The following ANKRD30BL variants were observed in gnomAD, a reference collection of about 807,000 sequenced individuals.
ANKRD30BL encodes ankyrin repeat domain 30B like, also known as putative ankyrin repeat domain-containing protein 30B-like.
ANKRD30BL carries 20 observed loss-of-function variants against 18.4 expected under a neutral mutation model. That is an observed-to-expected ratio of 1.09 (90% confidence interval 0.77 to 1.58). The LOEUF is 1.58. Among genes scored for constraint, ANKRD30BL ranks in the 40% most tolerant of loss-of-function variants. ANKRD30BL has a pLI of 0.00. For synonymous variants in ANKRD30BL, 72 were observed against 100.9 expected, an observed-to-expected ratio of 0.71 and a Z score of 1.72; for missense variants, 224 against 268.6, an observed-to-expected ratio of 0.83 and a Z score of 1.16.
intron 1 of ANKRD30BL, among the ~76,000 whole-genome samples, chr2:132,237,323 A>G (rs866342313): frequency 1.3e-5 from 2 of 152,162 alleles, no homozygotes; most frequent in South Asian, 4.1e-4. Flanking sequence ...CTACTTTGTG[A>G]TGGGTGTACT....
upstream of ANKRD30BL, among the ~76,000 whole-genome samples, chr2:132,165,510 A>G (rs1398534044): frequency 1.3e-5 from 2 of 151,068 alleles, no homozygotes; most frequent in East Asian, 3.9e-4. Context: ...CCTGGGCCAC[A>G]TGGTAAAATT....
chr2:132,240,432 A>C (rs982405409), intron 1 of ANKRD30BL, among the ~76,000 whole-genome samples: 2 of 151,818 alleles, frequency 1.3e-5, no homozygotes, highest in Non-Finnish European at 2.9e-5. Context: ...CTCTTTTTGT[A>C]GAATCTATAA....
chr2:132,222,506 C>G (rs1269570401), intron 1 of ANKRD30BL, among the ~76,000 whole-genome samples: 1 of 152,096 alleles, frequency 6.6e-6, no homozygotes, highest in East Asian at 1.9e-4. Context: ...AATTCTTCTG[C>G]CTTGGGATCC....
Position 132,202,156 on chromosome 2 carries a change from G to C in ANKRD30BL, n.442-45010C>G, listed in dbSNP as rs190670750. Among the ~76,000 whole-genome samples, 680 of 145,126 alleles carry C rather than the reference G, an allele frequency of 4.7e-3. 1 individual carries two copies. Among genetic ancestry groups the C allele is most frequent in the Non-Finnish European group, 7.3e-3 (497 of 67,940 alleles). On this transcript the variant is annotated intron_variant and non_coding_transcript_variant, in intron 1 of 4. Transcript: ENST00000470729. ...GGGGCCTGTTGTGGGGTGGAGGCAGGGGGGAGGGATAGCATTGGGAGTATA... is the reference window on the plus strand; with the variant it reads ...GGGGCCTGTTGTGGGGTGGAGGCAGCGGGGAGGGATAGCATTGGGAGTATA...
rs1332210787 is a variant in ANKRD30BL at position 132,221,132 on chromosome 2, C to G, written n.441+36397G>C. Among the ~76,000 whole-genome samples, 6 of 147,830 alleles carry G rather than the reference C, an allele frequency of 4.1e-5. No homozygotes were observed. The East Asian group carries it at 1.2e-3, about 29-fold the overall frequency. The stretch of plus-strand genomic sequence containing the variant: ...GAGGAGCCCCTCCGTCCAGCAGCCA[C>G]CCCGTCTGGGAAGTGAGGAGCATCT... On this transcript the variant is annotated intron_variant and non_coding_transcript_variant, in intron 1 of 4. Coordinates refer to the ANKRD30BL transcript ENST00000470729.
chr2:132,231,700 T>A (rs1680020943), intron 1 of ANKRD30BL, among the ~76,000 whole-genome samples: 1 of 150,246 alleles, frequency 6.7e-6, no homozygotes. Flanking sequence ...ACCCACGGAG[T>A]CTCGCTGATT....
intron 1 of ANKRD30BL, among the ~76,000 whole-genome samples, chr2:132,227,608 T>G (rs2104778588): frequency 6.6e-6 from 1 of 152,294 alleles, no homozygotes; most frequent in African/African-American, 2.4e-5. Context: ...TACATTCAAC[T>G]CACAGAGTTA....
intron 1 of ANKRD30BL, among the ~76,000 whole-genome samples, chr2:132,255,871 G>A (rs1045725428): frequency 2.0e-5 from 3 of 152,164 alleles, no homozygotes; most frequent in Non-Finnish European, 4.4e-5. Context: ...GCTGCCACGG[G>A]GGGCGTGCGA....
chr2:132,222,857 A>AG (rs1679731632), intron 1 of ANKRD30BL, among the ~76,000 whole-genome samples: 2 of 144,274 alleles, frequency 1.4e-5, no homozygotes, highest in African/African-American at 5.5e-5. Context: ...AAAAAAAAAA[A>AG]AAAAAAAGAA....
At chr2:132,151,681 TATTA>T (rs1687761916) in intron 4 of ANKRD30BL, among the ~76,000 whole-genome samples, 1 of 152,150 alleles carries the variant, frequency 6.6e-6, no homozygotes, top group Non-Finnish European at 1.5e-5. Context: ...AATTTTCTGT[TATTA>T]ATTCCTACTT....
intron 1 of ANKRD30BL, among the ~76,000 whole-genome samples, chr2:132,175,270 CA>C (rs1406972494): frequency 5.3e-5 from 8 of 151,360 alleles, no homozygotes; most frequent in Admixed American, 1.3e-4. Context: ...AGAAGGTCAG[CA>C]AAAAAACATG....
At chr2:132,201,385 C>G (rs1421219378) in intron 1 of ANKRD30BL, among the ~76,000 whole-genome samples, 1 of 152,018 alleles carries the variant, frequency 6.6e-6, no homozygotes, top group Non-Finnish European at 1.5e-5. Flanking sequence ...AAAATTTTCG[C>G]AACCTACTCA....
intron 1 of ANKRD30BL, among the ~76,000 whole-genome samples, chr2:132,187,221 T>C (rs1258038680): frequency 3.3e-5 from 4 of 122,996 alleles, no homozygotes; most frequent in Non-Finnish European, 4.9e-5. Context: ...AGAGACAGAG[T>C]CTTGTTTTGT....
chr2:132,167,962 A>C (rs1688218220), intron 1 of ANKRD30BL, among the ~76,000 whole-genome samples: 1 of 152,182 alleles, frequency 6.6e-6, no homozygotes, highest in South Asian at 2.1e-4. Context: ...CTTATGGGTC[A>C]ATAAGAATAA....
At chr2:132,212,728 A>T (rs538902566) in intron 1 of ANKRD30BL, among the ~76,000 whole-genome samples, 1 of 151,932 alleles carries the variant, frequency 6.6e-6, no homozygotes, top group Admixed American at 6.6e-5. Context: ...TTCTTTGAGC[A>T]TCTTTGAAAA....
intron 1 of ANKRD30BL, among the ~76,000 whole-genome samples, chr2:132,225,189 C>T (rs997319099): frequency 6.6e-6 from 1 of 151,954 alleles, no homozygotes; most frequent in Non-Finnish European, 1.5e-5. Flanking sequence ...TCCGAAACTT[C>T]TTTGTTCTGT....
At chr2:132,180,004 A>C (rs370742067) in intron 1 of ANKRD30BL, among the ~76,000 whole-genome samples, 1 of 152,214 alleles carries the variant, frequency 6.6e-6, no homozygotes, top group Non-Finnish European at 1.5e-5. Flanking sequence ...TAAATAAAAA[A>C]ATTACAGTAA....
intron 1 of ANKRD30BL, among the ~76,000 whole-genome samples, chr2:132,222,046 G>A (rs895200525): frequency 2.2e-5 from 3 of 134,432 alleles, no homozygotes; most frequent in Non-Finnish European, 4.7e-5. Flanking sequence ...AGGGAGGCGG[G>A]GGGGGGGGTC....
intron 1 of ANKRD30BL, among the ~76,000 whole-genome samples, chr2:132,234,427 G>T (rs1277669204): frequency 6.6e-6 from 1 of 151,826 alleles, no homozygotes; most frequent in Non-Finnish European, 1.5e-5. Context: ...CAACAAAATT[G>T]ATAGACAGCT....
Sources: gnomAD v4.1 joint callset for allele counts (sites outside exome capture counted in the v4.1 genomes callset) on GRCh38, gnomAD v4.1.1 for gene constraint, MANE v1.5 for transcripts, NCBI Gene and HGNC (gene_info 2026-07-23, HGNC 2026-07-21) for gene names.